The following PSD3 variants were observed in gnomAD, a reference collection of about 807,000 sequenced individuals.
PSD3 encodes PH and SEC7 domain-containing protein 3.
Under a neutral mutation model 105.5 loss-of-function variants are expected in PSD3, and 49 were observed. The observed-to-expected ratio is 0.46, with a 90% CI of 0.37 to 0.59. PSD3 has a LOEUF of 0.59. Ranked by LOEUF, PSD3 falls within the 20% of genes least tolerant of loss-of-function variation. The pLI is 0.00. For missense variants in PSD3, 1,561 were observed against 1,263.8 expected (o/e 1.24, Z -3.57); for synonymous variants, 557 against 457.8 (o/e 1.22, Z -2.77).
chr8:18,629,319 A>T (rs983409518), intron 11 of PSD3, among the ~76,000 whole-genome samples: 1 of 152,024 alleles, frequency 6.6e-6, no homozygotes, highest in African/African-American at 2.4e-5. Flanking sequence ...TATATTTAGC[A>T]TATGGTGAAG....
intron 8 of PSD3, among the ~76,000 whole-genome samples, chr8:18,778,679 CCT>C (rs1808322898): frequency 6.6e-6 from 1 of 151,060 alleles, no homozygotes; most frequent in African/African-American, 2.4e-5. Context: ...TTTATGAAAC[CCT>C]TTTTTTGCAT....
At chr8:19,014,392 G>C (rs943485317), upstream of PSD3, 8 of 152,332 alleles carry the variant, frequency 5.3e-5, no homozygotes, top group Admixed American at 5.2e-4. The surrounding 1 kb of genome is among the most constrained non-coding windows in gnomAD (Gnocchi z 4.9). Flanking sequence ...CACCGACAGT[G>C]CGTGCGCGGG....
intron 14 of PSD3, among the ~76,000 whole-genome samples, chr8:18,565,186 G>A (rs556867760): frequency 6.6e-6 from 1 of 152,244 alleles, no homozygotes; most frequent in Admixed American, 6.5e-5. Flanking sequence ...TGCATTTTCT[G>A]CAAGTCCCGA....
chr8:18,653,075 A>T (rs990444582), intron 10 of PSD3, among the ~76,000 whole-genome samples: 2 of 152,214 alleles, frequency 1.3e-5, no homozygotes, highest in African/African-American at 4.8e-5. Flanking sequence ...ATTTTGTTTG[A>T]GCTAGCATTC....
intron 15 of PSD3, among the ~76,000 whole-genome samples, chr8:18,539,547 C>CTTTTTTT (rs547299808): frequency 7.5e-6 from 1 of 133,848 alleles, no homozygotes; most frequent in African/African-American, 2.8e-5. Flanking sequence ...TAGTAAATTA[C>CTTTTTTT]TTTTTTTTTT....
intron 8 of PSD3, among the ~76,000 whole-genome samples, chr8:18,781,851 A>G (rs1808665606): frequency 6.6e-6 from 1 of 152,092 alleles, no homozygotes; most frequent in African/African-American, 2.4e-5. Flanking sequence ...CTATTTCGTC[A>G]TTGTATGTGT....
At chr8:18,780,089 A>G (rs1043343804) in intron 8 of PSD3, among the ~76,000 whole-genome samples, 1 of 152,168 alleles carries the variant, frequency 6.6e-6, no homozygotes, top group Admixed American at 6.5e-5. Flanking sequence ...TTTGCTTTCT[A>G]TATCTGCATG....
At chr8:18,825,404 G>A (rs1354144427) in intron 4 of PSD3, among the ~76,000 whole-genome samples, 1 of 152,132 alleles carries the variant, frequency 6.6e-6, no homozygotes. Context: ...ACAGGTTCTG[G>A]GGTGCAACCC....
intron 11 of PSD3, among the ~76,000 whole-genome samples, chr8:18,618,812 C>T (rs1340654539): frequency 1.3e-5 from 2 of 152,060 alleles, no homozygotes; most frequent in Non-Finnish European, 2.9e-5. Context: ...CCCTGACTAG[C>T]TGGGTCTAGG....
intron 2 of PSD3, among the ~76,000 whole-genome samples, chr8:18,907,272 G>A (rs751069141): frequency 2.0e-5 from 3 of 152,092 alleles, no homozygotes; most frequent in Admixed American, 1.3e-4. Context: ...TTCCAGTCCC[G>A]TAAGCTCCAA....
chr8:18,872,409 G>C lies in PSD3; in HGVS notation c.455C>G (p.Ala152Gly). ...EARIISGTLQ[A>G]TKVLDQDAVS... ...AGCATCTTGGTCCAGTACCTTTGTAGCCTGTAATGTTCCGGAAATGATTCT... is the reference window on the plus strand; with the variant it reads ...AGCATCTTGGTCCAGTACCTTTGTACCCTGTAATGTTCCGGAAATGATTCT... The change falls in exon 3 of 16, where the codon GCT becomes GGT. Residue 152 changes from alanine (A) to glycine (G), a missense_variant. Coordinates refer to ENST00000327040, the MANE Select transcript of PSD3 (RefSeq NM_015310.4). 6.2e-7 allele frequency: 1 copy of C among 1,614,152 alleles called. No homozygotes were observed. The highest frequency in any genetic ancestry group is 2.2e-5 in the East Asian group (1 of 44,884).
intron 9 of PSD3, among the ~76,000 whole-genome samples, chr8:18,681,758 T>A (rs1800401736): frequency 6.6e-6 from 1 of 152,154 alleles, no homozygotes; most frequent in Admixed American, 6.5e-5. Flanking sequence ...ACTGATTTTC[T>A]CTTAGCTCTG....
intron 1 of PSD3, 26 bp downstream of exon 1, chr8:19,013,531 CCCCGCG>C: frequency 6.3e-7 from 1 of 1,576,188 alleles, no homozygotes. Context: ...CGCGTGCGCA[CCCCGCG>C]CCCGCGCCCC....
intron 4 of PSD3, among the ~76,000 whole-genome samples, chr8:18,865,912 T>C (rs1816899293): frequency 6.6e-6 from 1 of 152,200 alleles, no homozygotes; most frequent in South Asian, 2.1e-4. Context: ...CTGGCACCCA[T>C]GCTGGCCCAA....
chr8:18,783,670 G>T (rs887962641), intron 8 of PSD3, among the ~76,000 whole-genome samples: 2 of 152,312 alleles, frequency 1.3e-5, no homozygotes, highest in Middle Eastern at 3.4e-3. Context: ...GTCTTGCTCT[G>T]TTGCCCAGGC....
intron 15 of PSD3, among the ~76,000 whole-genome samples, chr8:18,555,666 C>T (rs1440021164): frequency 1.3e-5 from 2 of 152,164 alleles, no homozygotes; most frequent in African/African-American, 2.4e-5. Flanking sequence ...CATATGGATC[C>T]TCACCATTCT....
chr8:19,060,352 C>G (rs1828854633), intron 1 of PSD3, among the ~76,000 whole-genome samples: 1 of 152,154 alleles, frequency 6.6e-6, no homozygotes, highest in Admixed American at 6.6e-5. Context: ...CTACAGTTTA[C>G]TTTTAGGTTT....
intron 15 of PSD3, among the ~76,000 whole-genome samples, chr8:18,537,929 G>A (rs1040267117): frequency 3.3e-5 from 5 of 152,110 alleles, no homozygotes; most frequent in Admixed American, 6.5e-5. Flanking sequence ...CACCCGCCTC[G>A]GCCTCCCAAA....
rs150383599 is a variant in PSD3, at chr8:18,966,235, T to G, written c.22-30093A>C. Among the ~76,000 whole-genome samples, 795 of 152,290 alleles carry G rather than the reference T, an allele frequency of 5.2e-3. 7 individuals are homozygous for G. Among genetic ancestry groups the G allele is most frequent in the African/African-American group, 0.018 (768 of 41,572 alleles). ...CATTCCAGGTGGACTGCCATTCCAC[T>G]TCTCACAGAGTTTCCACACCTATAC... On this transcript the variant is annotated intron_variant, in intron 1 of 15. Transcript: ENST00000327040.
Sources: gnomAD v4.1 joint callset for allele counts (sites outside exome capture counted in the v4.1 genomes callset) on GRCh38, gnomAD v4.1.1 for gene constraint, Gnocchi (gnomAD v3.1) non-coding constraint, MANE v1.5 for transcripts, NCBI Gene and HGNC (gene_info 2026-07-23, HGNC 2026-07-21) for gene names.